GHR: variants seen among roughly 807,000 people sequenced by gnomAD.
The protein encoded by GHR is growth hormone receptor.
In GHR, 35 loss-of-function variants were observed where a neutral mutation model predicts 67.1. The observed-to-expected ratio is 0.52, with a 90% confidence interval of 0.40 to 0.69. The LOEUF is 0.69. Ranked by LOEUF, GHR falls within the 30% of genes least tolerant of loss-of-function variation. The probability of loss-of-function intolerance (pLI) is 0.00; values close to 1 mark genes in which losing one functional copy is unlikely to be tolerated. For synonymous variants in GHR, 272 were observed against 269.1 expected (o/e 1.01, Z -0.10); for missense variants, 792 against 764.6 (o/e 1.04, Z -0.42).
chr5:42,508,997 A>G (rs1746897573), intron 1 of GHR, among the ~76,000 whole-genome samples: 2 of 152,222 alleles, frequency 1.3e-5, no homozygotes, highest in African/African-American at 4.8e-5. Flanking sequence ...GTTATTTGCT[A>G]CTTGGTAAAT....
intron 2 of GHR, among the ~76,000 whole-genome samples, chr5:42,587,213 C>T (rs1751524697): frequency 6.8e-6 from 1 of 145,986 alleles, no homozygotes; most frequent in African/African-American, 2.5e-5. Flanking sequence ...TAAAGAAGCC[C>T]CATGAAGGCA....
intron 1 of GHR, among the ~76,000 whole-genome samples, chr5:42,464,815 T>C (rs1744656588): frequency 6.6e-6 from 1 of 152,174 alleles, no homozygotes; most frequent in African/African-American, 2.4e-5. Flanking sequence ...ATTATGAGTA[T>C]CTTCTGACTT....
At chr5:42,598,182 T>C (rs1752180578) in intron 2 of GHR, among the ~76,000 whole-genome samples, 1 of 152,084 alleles carries the variant, frequency 6.6e-6, no homozygotes, top group Admixed American at 6.5e-5. Context: ...GAGCATAATG[T>C]ATGTAAGTAT....
At chr5:42,689,733 T>C (rs888825115) in intron 4 of GHR, among the ~76,000 whole-genome samples, 1 of 152,210 alleles carries the variant, frequency 6.6e-6, no homozygotes, top group African/African-American at 2.4e-5. Flanking sequence ...GGACTGACCA[T>C]GCCAAACCTC....
At chr5:42,522,206 G>T (rs767416780) in intron 1 of GHR, among the ~76,000 whole-genome samples, 2 of 152,084 alleles carry the variant, frequency 1.3e-5, no homozygotes, top group Admixed American at 1.3e-4. Context: ...GCCACTTTGC[G>T]TATAAAGGGT....
At chr5:42,518,969 G>C (rs1374773167) in intron 1 of GHR, among the ~76,000 whole-genome samples, 1 of 152,212 alleles carries the variant, frequency 6.6e-6, no homozygotes, top group Non-Finnish European at 1.5e-5. Flanking sequence ...AATCTGGAAA[G>C]AGTCGCTAAT....
At chr5:42,640,085 A>G (rs1420890828) in intron 3 of GHR, among the ~76,000 whole-genome samples, 1 of 152,130 alleles carries the variant, frequency 6.6e-6, no homozygotes, top group Non-Finnish European at 1.5e-5. Context: ...CAGTAGATGC[A>G]TTTTCTCTTT....
chr5:42,434,362 T>C (rs935322152), intron 1 of GHR, among the ~76,000 whole-genome samples: 7 of 152,176 alleles, frequency 4.6e-5, no homozygotes, highest in Admixed American at 3.9e-4. Flanking sequence ...TTGTAGGCTT[T>C]TGGTGCCTGA....
At position 42,707,933 on chromosome 5, in the gene GHR, A is replaced by C. The variant is rs139454839; in HGVS notation, c.619-3274A>C. ...TCTAAAAAGTGATTTGCATATTACC[A>C]TGAAAATATTAGACTACTTTAAATT... On this transcript the variant is annotated intron_variant, in intron 6 of 9. Coordinates refer to ENST00000230882, the MANE Select transcript of GHR (RefSeq NM_000163.5). 2.1e-3 allele frequency among the ~76,000 whole-genome samples: 319 copies of C among 152,266 alleles called. 2 individuals are homozygous for C. Among genetic ancestry groups the C allele is most frequent in the African/African-American group, 7.3e-3 (302 of 41,582 alleles).
intron 1 of GHR, among the ~76,000 whole-genome samples, chr5:42,540,462 T>A (rs868300526): frequency 1.3e-5 from 2 of 152,200 alleles, no homozygotes; most frequent in African/African-American, 2.4e-5. Flanking sequence ...ATGGTAGTTA[T>A]CTAGGAATAA....
At chr5:42,430,219 C>T (rs1743031570) in intron 1 of GHR, among the ~76,000 whole-genome samples, 2 of 152,140 alleles carry the variant, frequency 1.3e-5, no homozygotes, top group African/African-American at 2.4e-5. Context: ...AGAGGAGAGG[C>T]CTGAAGTGTG....
chr5:42,623,705 A>G (rs1002005299), intron 2 of GHR, among the ~76,000 whole-genome samples: 1 of 152,206 alleles, frequency 6.6e-6, no homozygotes, highest in African/African-American at 2.4e-5. Flanking sequence ...ATCCCTGCCT[A>G]GAAAAATGTG....
At chr5:42,509,756 C>G (rs1350724038) in intron 1 of GHR, among the ~76,000 whole-genome samples, 1 of 148,278 alleles carries the variant, frequency 6.7e-6, no homozygotes, top group Admixed American at 6.7e-5. Flanking sequence ...ACGTCTACCT[C>G]TATTAGCACT....
In GHR at chr5:42,713,490, A is replaced by G. The variant is rs1274922290; in HGVS notation, c.846A>G (p.Leu282=). 6.8e-7 allele frequency: 1 copy of G among 1,474,316 alleles called. No homozygotes were observed. Among genetic ancestry groups the G allele is most frequent in the Non-Finnish European group, 9.5e-7 (1 of 1,056,606 alleles). 91.3% of individuals were successfully genotyped at this position (1,474,316 alleles called of 1,614,324 possible). The change falls in exon 8 of 10, where the codon CTA becomes CTG. Residue 282 remains leucine, a synonymous_variant. Transcript: ENST00000230882. ...GAATATTTGGGCTAACAGTGATGCTATTTGTATTCTTATTTTCTAAACAGC... is the reference window on the plus strand; with the variant it reads ...GAATATTTGGGCTAACAGTGATGCTGTTTGTATTCTTATTTTCTAAACAGC... The part of the protein sequence containing the change: ...IFGIFGLTVM[L]FVFLFSKQQR...
At chr5:42,442,526 G>A (rs1743623902) in intron 1 of GHR, among the ~76,000 whole-genome samples, 2 of 152,264 alleles carry the variant, frequency 1.3e-5, no homozygotes, top group South Asian at 4.2e-4. Context: ...GGGACATATA[G>A]ACAGGAGAAG....
intron 1 of GHR, among the ~76,000 whole-genome samples, chr5:42,516,158 G>T (rs761845543): frequency 2.0e-5 from 3 of 152,172 alleles, no homozygotes; most frequent in Non-Finnish European, 4.4e-5. Context: ...AGAGACAAAA[G>T]TCTCAAAGCT....
At chr5:42,690,226 GC>G (rs1315360332) in intron 4 of GHR, among the ~76,000 whole-genome samples, 1 of 152,220 alleles carries the variant, frequency 6.6e-6, no homozygotes, top group Non-Finnish European at 1.5e-5. Context: ...GGAAGATGCA[GC>G]CAGCAGTTAA....
chr5:42,688,217 G>A (rs555064511), intron 3 of GHR, among the ~76,000 whole-genome samples: 1 of 152,306 alleles, frequency 6.6e-6, no homozygotes, highest in East Asian at 1.9e-4. Context: ...ACATCCACCT[G>A]ATGTCATCAC....
chr5:42,503,812 C>T (rs1051044190), intron 1 of GHR, among the ~76,000 whole-genome samples: 1 of 151,600 alleles, frequency 6.6e-6, no homozygotes, highest in African/African-American at 2.4e-5. Context: ...TTTAATAGAA[C>T]TGAAGGACAT....
Sources: allele counts gnomAD v4.1 joint callset (sites outside exome capture counted in the v4.1 genomes callset), GRCh38; gene constraint gnomAD v4.1.1; transcripts MANE v1.5; gene names NCBI Gene and HGNC (gene_info 2026-07-23, HGNC 2026-07-21).